HGD: variants seen among roughly 807,000 people sequenced by gnomAD.
The protein encoded by HGD is homogentisate oxidase.
HGD carries 61 observed loss-of-function variants against 60.8 expected under a neutral mutation model. The observed-to-expected ratio is 1.00, with a 90% CI of 0.82 to 1.24. The LOEUF (loss-of-function observed/expected upper bound fraction) is 1.24, where lower values mean the gene tolerates loss of function less well. Ranked by LOEUF, HGD falls within the 50% of genes most tolerant of loss-of-function variation. The pLI is 0.00. For synonymous variants in HGD, 212 were observed against 187.7 expected (o/e 1.13, Z -1.06); for missense variants, 542 against 547.1 (o/e 0.99, Z 0.09).
At chr3:120,668,044 G>C (rs1267924420) in intron 4 of HGD, among the ~76,000 whole-genome samples, 1 of 152,102 alleles carries the variant, frequency 6.6e-6, no homozygotes, top group Non-Finnish European at 1.5e-5. Flanking sequence ...CCTTTGTGTG[G>C]GGGACTGAGT....
chr3:120,665,113 G>A (rs1707869626), intron 4 of HGD, among the ~76,000 whole-genome samples: 1 of 152,172 alleles, frequency 6.6e-6, no homozygotes, highest in African/African-American at 2.4e-5. Flanking sequence ...GTGGAGGGAA[G>A]GGGATTTCAG....
chr3:120,671,984 T>A (rs1708034453), intron 3 of HGD, among the ~76,000 whole-genome samples: 1 of 150,048 alleles, frequency 6.7e-6, no homozygotes, highest in Non-Finnish European at 1.5e-5. Context: ...CTGGGGCCTG[T>A]TGGGGGGTGG....
intron 9 of HGD, among the ~76,000 whole-genome samples, chr3:120,645,994 C>T (rs1309365175): frequency 6.6e-6 from 1 of 152,118 alleles, no homozygotes; most frequent in Non-Finnish European, 1.5e-5. Context: ...ATATTCTTTC[C>T]TGTACACACT....
chr3:120,642,678 A>G (rs1196296117), intron 10 of HGD, among the ~76,000 whole-genome samples: 1 of 152,244 alleles, frequency 6.6e-6, no homozygotes, highest in Non-Finnish European at 1.5e-5. Flanking sequence ...ACTATGAATC[A>G]GCTCCAGCCC....
intron 6 of HGD, among the ~76,000 whole-genome samples, chr3:120,650,079 T>C (rs1941292656): frequency 6.6e-6 from 1 of 152,226 alleles, no homozygotes; most frequent in Non-Finnish European, 1.5e-5. Flanking sequence ...ATGCCAGAGT[T>C]TCTAGTACTC....
At position 120,638,578 on chromosome 3, in the gene HGD, G is replaced by T. The variant is rs1410486099; in HGVS notation, c.883C>A (p.Pro295Thr). ...INSVAFDHAD[P>T]SIFTVLTAKS... ...GCAGTCAATACTGTGAAAATGGATG[G>T]GTCCTGTGAACACACAAGGAGAGAC... is the stretch of plus-strand genomic sequence containing the variant. The change falls in exon 12 of 14, where the codon CCA becomes ACA. Residue 295 changes from proline (P) to threonine (T), a missense_variant. By Grantham distance (38) the Pro-to-Thr change is conservative. Coordinates refer to ENST00000283871, the MANE Select transcript of HGD (RefSeq NM_000187.4). The T allele has an allele frequency of 6.2e-7, 1 of 1,613,894 alleles. No homozygotes were observed. Among genetic ancestry groups the T allele is most frequent in the Admixed American group, 1.7e-5 (1 of 60,010 alleles).
intron 4 of HGD, among the ~76,000 whole-genome samples, chr3:120,656,828 A>G (rs1941513039): frequency 6.6e-6 from 1 of 152,224 alleles, no homozygotes; most frequent in Non-Finnish European, 1.5e-5. Context: ...CTGGGATTAC[A>G]GGCATGAGCC....
chr3:120,636,586 CT>C (rs764376216), intron 12 of HGD, among the ~76,000 whole-genome samples: 1 of 152,208 alleles, frequency 6.6e-6, no homozygotes, highest in Non-Finnish European at 1.5e-5. Flanking sequence ...AGGTCACTAA[CT>C]TCCAGGAGGA....
chr3:120,675,033 A>T (rs1231443723), intron 2 of HGD, 44 bp from the exon 3 acceptor site: 8 of 1,379,912 alleles, frequency 5.8e-6, no homozygotes, highest in Non-Finnish European at 8.3e-6. Flanking sequence ...CCATCCGAAA[A>T]GCATCCCACC....
intron 4 of HGD, among the ~76,000 whole-genome samples, chr3:120,666,997 T>C (rs969263132): frequency 3.9e-5 from 6 of 152,270 alleles, no homozygotes; most frequent in African/African-American, 9.6e-5. Context: ...TACAATACTT[T>C]TGGGTTTTTA....
rs2107498090 is a variant in HGD, at chr3:120,638,463, T to C, written c.998A>G (p.Tyr333Cys). ...GTAAAAGAGAGACTTACTATGGTAA[T>C]AAGGAGGCCTGAAGGTCTTATCAGC... ...GVADKTFRPP[Y>C]YHRNCMSEFM... Residue 333 changes from tyrosine to cysteine, a missense_variant, in exon 12 of 14, where the codon TAT (tyrosine) becomes TGT (cysteine). Transcript: ENST00000283871. The C allele has an allele frequency of 1.2e-6, 2 of 1,613,764 alleles. No homozygotes were observed. The highest frequency in any genetic ancestry group is 1.7e-4 in the Middle Eastern group (1 of 6,060).
chr3:120,664,606 A>G (rs1189695599), intron 4 of HGD, among the ~76,000 whole-genome samples: 2 of 150,424 alleles, frequency 1.3e-5, no homozygotes, highest in Non-Finnish European at 3.0e-5. Flanking sequence ...TTTTTTTCAC[A>G]TTTGTGTAGA....
Position 120,633,217 on chromosome 3 carries a change from G to A in HGD, c.1118C>T (p.Pro373Leu), listed in dbSNP as rs138558042. 1.9e-6 allele frequency: 3 copies of A among 1,613,990 alleles called. No homozygotes were observed. The highest frequency in any genetic ancestry group is 2.5e-6 in the Non-Finnish European group (3 of 1,180,020). ...SLHSTMTPHG[P>L]DADCFEKASK... is the part of the protein sequence containing the mutation. ...GGCCTTCTCAAAGCAGTCAGCATCAGGTCCATGGGGGGTCATTGTGCTGTG... is the reference window on the plus strand; with the variant it reads ...GGCCTTCTCAAAGCAGTCAGCATCAAGTCCATGGGGGGTCATTGTGCTGTG... Residue 373 changes from proline to leucine, a missense_variant, in exon 13 of 14, where the codon CCT becomes CTT. Transcript: ENST00000283871.
At chr3:120,632,979 T>C (rs1940635414) in intron 13 of HGD, among the ~76,000 whole-genome samples, 168 bp downstream of exon 13, 1 of 152,200 alleles carries the variant, frequency 6.6e-6, no homozygotes, top group Non-Finnish European at 1.5e-5. Flanking sequence ...AAGTCTAGTA[T>C]ATACACAAGG....
At chr3:120,673,184 G>GA (rs1708058223) in intron 3 of HGD, among the ~76,000 whole-genome samples, 2 of 152,126 alleles carry the variant, frequency 1.3e-5, no homozygotes, top group Admixed American at 1.3e-4. Context: ...GCCATACCTA[G>GA]TGTCCCTTAT....
At chr3:120,678,204 A>T (rs1279665457) in intron 1 of HGD, among the ~76,000 whole-genome samples, 1 of 152,188 alleles carries the variant, frequency 6.6e-6, no homozygotes, top group African/African-American at 2.4e-5. Flanking sequence ...CAACATTCTG[A>T]TTCTCCACTG....
intron 1 of HGD, among the ~76,000 whole-genome samples, chr3:120,678,862 T>G (rs1474620934): frequency 6.6e-6 from 1 of 152,190 alleles, no homozygotes; most frequent in Non-Finnish European, 1.5e-5. Context: ...CTCCAGACAT[T>G]GAGCTCAAGG....
intron 11 of HGD, among the ~76,000 whole-genome samples, chr3:120,639,243 C>G (rs751264888): frequency 6.6e-6 from 1 of 152,068 alleles, no homozygotes; most frequent in Non-Finnish European, 1.5e-5. Context: ...CTATTTTTCT[C>G]ATGTTTATGT....
chr3:120,639,665 A>T (rs1422171661), intron 11 of HGD, among the ~76,000 whole-genome samples: 30 of 152,182 alleles, frequency 2.0e-4, no homozygotes, highest in African/African-American at 7.2e-4. Context: ...AATAAAGCAA[A>T]ATCCAAGTTT....
Sources: allele counts gnomAD v4.1 joint callset (sites outside exome capture counted in the v4.1 genomes callset), GRCh38; gene constraint gnomAD v4.1.1; transcripts MANE v1.5; gene names NCBI Gene and HGNC (gene_info 2026-07-23, HGNC 2026-07-21).